Variants in ZNF431 observed in about 807,000 individuals in gnomAD.
The protein encoded by ZNF431 is zinc finger protein 431.
A neutral mutation model predicts 57.0 loss-of-function variants in ZNF431; 34 were observed. The observed-to-expected ratio is 0.60, with a 90% confidence interval of 0.45 to 0.79. The LOEUF (loss-of-function observed/expected upper bound fraction) is 0.79. Among genes scored for constraint, ZNF431 ranks in the 30% least tolerant of loss-of-function variants. The pLI is 0.00. For synonymous variants in ZNF431, 207 were observed against 220.3 expected, an observed-to-expected ratio of 0.94 and a Z score of 0.54; for missense variants, 607 against 667.1, an observed-to-expected ratio of 0.91 and a Z score of 0.99.
chr19:21,144,547 G>A (rs1266068960), intron 2 of ZNF431, among the ~76,000 whole-genome samples: 2 of 151,594 alleles, frequency 1.3e-5, no homozygotes, highest in African/African-American at 4.8e-5. Context: ...GTGGGTTTTA[G>A]AAAAAAAATT....
In ZNF431 at chr19:21,182,676, T is replaced by C; in HGVS notation, c.373T>C (p.Ser125Pro). 1.2e-6 allele frequency: 2 copies of C among 1,612,908 alleles called. No individual in the cohort carries two copies. Among genetic ancestry groups the C allele is most frequent in the Non-Finnish European group, 1.7e-6 (2 of 1,179,646 alleles). Residue 125 changes from serine to proline, a missense_variant, in exon 5 of 5, where the codon TCT becomes CCT. By Grantham distance (74) the Ser-to-Pro change is moderately conservative. Transcript: ENST00000311048. ...TTGGCCAGAGCAAGACATAAAAGAT[T>C]CTTTTCAACAAGTAATACTGAGAAG... ...DLWPEQDIKD[S>P]FQQVILRRYG...
At chr19:21,159,151 T>G (rs1160009224) in intron 2 of ZNF431, among the ~76,000 whole-genome samples, 1 of 152,170 alleles carries the variant, frequency 6.6e-6, no homozygotes, top group Non-Finnish European at 1.5e-5. Flanking sequence ...AAACCTTGCA[T>G]ACCAGAGATA....
At chr19:21,150,267 T>C in intron 2 of ZNF431, 2 of 495,430 alleles carry the variant, frequency 4.0e-6, no homozygotes, top group South Asian at 1.7e-5. Context: ...CAACCTGATA[T>C]AGTGGGGCCA....
chr19:21,188,403 A>G lies in ZNF431; in HGVS notation c.*4369A>G, dbSNP rs1225451302. 4 of 152,194 alleles carry G rather than the reference A, an allele frequency of 2.6e-5. No homozygotes were observed. The highest frequency in any genetic ancestry group is 5.9e-5 in the Non-Finnish European group (4 of 68,052). 9.4% of individuals were successfully genotyped at this position (152,194 alleles called of 1,614,324 possible). Reference sequence around the variant, plus strand: ...AAACTTGCTTGAAAATACAGAAATTAAATTTTTAAGAGAGTTAATGGTAAG... The same window carrying G: ...AAACTTGCTTGAAAATACAGAAATTGAATTTTTAAGAGAGTTAATGGTAAG... On this transcript the variant is annotated 3_prime_UTR_variant, in exon 5 of 5. Coordinates refer to ENST00000311048, the MANE Select transcript of ZNF431 (RefSeq NM_133473.4).
Position 21,182,606 on chromosome 19 carries a change from G to C in ZNF431, c.320-17G>C. ...AGTCTAGTAAGTTGAATAATTTGTT[G>C]TTTGTATTTCTTTCAGCTATGTGTT... On this transcript the variant is annotated splice_polypyrimidine_tract_variant and intron_variant, in intron 4 of 4. Coordinates refer to ENST00000311048, the MANE Select transcript of ZNF431 (RefSeq NM_133473.4). The C allele has an allele frequency of 6.4e-7, 1 of 1,570,060 alleles. No homozygotes were observed. Among genetic ancestry groups the C allele is most frequent in the Non-Finnish European group, 8.6e-7 (1 of 1,162,644 alleles).
chr19:21,144,010 G>C (rs1970014106), intron 2 of ZNF431, among the ~76,000 whole-genome samples: 1 of 151,750 alleles, frequency 6.6e-6, no homozygotes, highest in African/African-American at 2.4e-5. Flanking sequence ...GAGCACATAA[G>C]TGAGCAGGAG....
At chr19:21,180,685 A>G (rs1460956447) in intron 4 of ZNF431, among the ~76,000 whole-genome samples, 1 of 149,832 alleles carries the variant, frequency 6.7e-6, no homozygotes, top group Non-Finnish European at 1.5e-5. Context: ...GTCGTGGCTC[A>G]CACCTATATT....
intron 2 of ZNF431, among the ~76,000 whole-genome samples, chr19:21,161,022 G>C (rs1026540035): frequency 6.6e-6 from 1 of 152,096 alleles, no homozygotes; most frequent in East Asian, 1.9e-4. Context: ...ACAAAAATTA[G>C]CTGGGCTTGG....
intron 4 of ZNF431, among the ~76,000 whole-genome samples, chr19:21,171,435 T>C (rs1177707848): frequency 2.6e-5 from 4 of 152,150 alleles, no homozygotes; most frequent in South Asian, 4.1e-4. Context: ...GTTTTTCTTA[T>C]ATAATTTTAG....
rs1971567647 is a variant in ZNF431, at chr19:21,194,405, GA to G, written c.*10375del. The stretch of plus-strand genomic sequence containing the variant: ...TGCTCATGGATTTGAAGAATGAATA[GA>G]AAATGTCTATGCTGCCTAGAGCAGC... On this transcript the variant is annotated 3_prime_UTR_variant, in exon 5 of 5. Transcript: ENST00000311048. 2 of 151,494 alleles carry G rather than the reference GA, an allele frequency of 1.3e-5. No individual in the cohort carries two copies. The allele number at this position is 151,494 out of a possible 1,614,324, so 9.4% of individuals were successfully genotyped here.
rs1012978662 is a variant in ZNF431 at position 21,195,317 on chromosome 19, C to T, written c.*11283C>T. The T allele has an allele frequency of 3.9e-5, 6 of 152,192 alleles. No individual in the cohort carries two copies. Among genetic ancestry groups the T allele is most frequent in the Admixed American group, 3.3e-4 (5 of 15,276 alleles). 9.4% of individuals were successfully genotyped at this position (152,192 alleles called of 1,614,324 possible). A position where few individuals can be genotyped will look rare whatever the true frequency, so the allele number is the denominator to read the frequency against. Reference sequence around the variant, plus strand: ...AAATTTGATACCTGGTAACTTCTCTCTGTGAGTTTTGAATTGGCTGATGTA... The same window carrying T: ...AAATTTGATACCTGGTAACTTCTCTTTGTGAGTTTTGAATTGGCTGATGTA... On this transcript the variant is annotated 3_prime_UTR_variant, in exon 5 of 5. Coordinates refer to ENST00000311048, the MANE Select transcript of ZNF431 (RefSeq NM_133473.4).
intron 2 of ZNF431, among the ~76,000 whole-genome samples, chr19:21,149,315 C>T (rs977284108): frequency 6.6e-6 from 1 of 152,078 alleles, no homozygotes; most frequent in Non-Finnish European, 1.5e-5. Flanking sequence ...TAATATGTGA[C>T]CTATATAACT....
Position 21,142,145 on chromosome 19 carries a change from C to G in ZNF431, c.-39C>G. 1 of 1,611,822 alleles carries G rather than the reference C, an allele frequency of 6.2e-7. No homozygotes were observed. Among genetic ancestry groups the G allele is most frequent in the Non-Finnish European group, 8.5e-7 (1 of 1,178,558 alleles). On this transcript the variant is annotated 5_prime_UTR_variant, in exon 1 of 5. Coordinates refer to ENST00000311048, the MANE Select transcript of ZNF431 (RefSeq NM_133473.4). The stretch of plus-strand genomic sequence containing the variant: ...CCTGTGACCTGCAGGTATTGGGAGA[C>G]CCACAGCTAAGACACCGGGACCCCC...
At chr19:21,152,322 C>T (rs541172833) in intron 2 of ZNF431, among the ~76,000 whole-genome samples, 128 of 152,138 alleles carry the variant, frequency 8.4e-4, no homozygotes, top group African/African-American at 3.0e-3. Context: ...CTCATTGCAG[C>T]GATAATAAAA....
intron 2 of ZNF431, chr19:21,150,183 C>A: frequency 1.7e-6 from 1 of 581,098 alleles, no homozygotes; most frequent in South Asian, 1.6e-5. Flanking sequence ...GTTTGGTGGT[C>A]CAGGCCCTGG....
chr19:21,143,595 A>G lies in ZNF431; in HGVS notation c.48A>G (p.Gly16=), dbSNP rs144977148. The change falls in exon 2 of 5, where the codon GGA becomes GGG. Residue 16 remains glycine (G), a synonymous_variant. Coordinates refer to ENST00000311048, the MANE Select transcript of ZNF431 (RefSeq NM_133473.4). The part of the protein sequence containing the change: ...YGVYPLKEAS[G]CPGAERNLLV... ...TGTATCCTCTCAAGGAAGCAAGTGG[A>G]TGCCCTGGGGCTGAGAGGAATCTTC... The G allele has an allele frequency of 3.7e-6, 6 of 1,614,056 alleles. No homozygotes were observed. The highest frequency in any genetic ancestry group is 1.3e-5 in the African/African-American group (1 of 75,056).
chr19:21,160,397 A>C (rs929494011), intron 2 of ZNF431, among the ~76,000 whole-genome samples: 1 of 152,192 alleles, frequency 6.6e-6, no homozygotes, highest in Admixed American at 6.5e-5. Context: ...GCCACAAAAT[A>C]TCCAGAGCCA....
At chr19:21,155,762 C>T (rs1970400147) in intron 2 of ZNF431, among the ~76,000 whole-genome samples, 1 of 152,092 alleles carries the variant, frequency 6.6e-6, no homozygotes, top group Non-Finnish European at 1.5e-5. Context: ...ATGTTAGACA[C>T]TGAGTTGCTG....
chr19:21,187,330 G>T lies in ZNF431; in HGVS notation c.*3296G>T, dbSNP rs759563622. The T allele has an allele frequency of 5.3e-5, 8 of 151,712 alleles. No homozygotes were observed. The highest frequency in any genetic ancestry group is 8.8e-5 in the Non-Finnish European group (6 of 68,012). The allele number at this position is 151,712 out of a possible 1,614,324, so 9.4% of individuals were successfully genotyped here. A position where few individuals can be genotyped will look rare whatever the true frequency, so the allele number is the denominator to read the frequency against. ...TGGTGGGTGCCTGTAATCCCACTCG[G>T]GAGGCTGAGTCAGGAGAATTGCTTG... On this transcript the variant is annotated 3_prime_UTR_variant, in exon 5 of 5. Transcript: ENST00000311048.
Sources: gnomAD v4.1 joint callset for allele counts (sites outside exome capture counted in the v4.1 genomes callset) on GRCh38, gnomAD v4.1.1 for gene constraint, MANE v1.5 for transcripts, NCBI Gene and HGNC (gene_info 2026-07-23, HGNC 2026-07-21) for gene names.